SORCS3: variants seen among roughly 807,000 people sequenced by gnomAD.
The protein encoded by SORCS3 is VPS10 domain-containing receptor SorCS3.
A neutral mutation model predicts 146.3 loss-of-function variants in SORCS3; 57 were observed. The ratio of observed to expected loss-of-function variants is 0.39; its 90% CI spans 0.31 to 0.49. The LOEUF (loss-of-function observed/expected upper bound fraction) is 0.49, where lower values mean the gene tolerates loss of function less well. Among genes scored for constraint, SORCS3 ranks in the 20% least tolerant of loss-of-function variants. SORCS3 has a pLI of 0.92. For missense variants in SORCS3, 1,341 were observed against 1,575.5 expected (o/e 0.85, Z 2.52); for synonymous variants, 653 against 618.5 (o/e 1.06, Z -0.83).
chr10:105,147,813 C>T lies in SORCS3; in HGVS notation c.1482+17C>T. ...TTGTATGAGGTATGTAGCCAAAATT[C>T]TCCTTCCCTTGGGTCTGTCTCTCTT... On this transcript the variant is annotated intron_variant, in intron 9 of 26. Coordinates refer to ENST00000369701, the MANE Select transcript of SORCS3 (RefSeq NM_014978.3). 1 of 1,602,500 alleles carries T rather than the reference C, an allele frequency of 6.2e-7. No individual in the cohort carries two copies. Among genetic ancestry groups the T allele is most frequent in the South Asian group, 1.1e-5 (1 of 89,716 alleles).
intron 3 of SORCS3, among the ~76,000 whole-genome samples, chr10:104,945,348 C>T (rs1169792609): frequency 1.3e-5 from 2 of 152,094 alleles, no homozygotes; most frequent in Non-Finnish European, 2.9e-5. Context: ...ACCTCCACCT[C>T]CTGGGTTTAA....
chr10:104,798,577 G>A (rs1316643601), intron 1 of SORCS3, among the ~76,000 whole-genome samples: 3 of 152,162 alleles, frequency 2.0e-5, no homozygotes, highest in Non-Finnish European at 4.4e-5. Context: ...TTGCTGGTGG[G>A]AATGCAAAAT....
Position 105,223,238 on chromosome 10 carries a change from A to G in SORCS3, c.2857A>G (p.Asn953Asp). Residue 953 changes from asparagine to aspartate, a missense_variant, in exon 20 of 27, where the codon AAT (asparagine) becomes GAT (aspartate). Coordinates refer to ENST00000369701, the MANE Select transcript of SORCS3 (RefSeq NM_014978.3). ...CCTTACCTATTTCTGGTGGTTCGGC[A>G]ATAGCACAAAGGTTTGGCCCTTTCT... ...GTLTYFWWFGNSTKPLITLDS... is the reference protein window; with the variant it reads ...GTLTYFWWFGDSTKPLITLDS... 6.2e-7 allele frequency: 1 copy of G among 1,611,860 alleles called. No homozygotes were observed. Among genetic ancestry groups the G allele is most frequent in the Non-Finnish European group, 8.5e-7 (1 of 1,178,354 alleles).
chr10:105,042,878 G>A (rs189058666), intron 4 of SORCS3, among the ~76,000 whole-genome samples, 177 bp from the exon 5 acceptor site: 188 of 152,178 alleles, frequency 1.2e-3, no homozygotes, highest in African/African-American at 4.1e-3. Flanking sequence ...GAGAACCCAC[G>A]TAATGCTAGA....
intron 25 of SORCS3, among the ~76,000 whole-genome samples, chr10:105,259,963 A>G (rs191593417): frequency 6.6e-6 from 1 of 152,342 alleles, no homozygotes; most frequent in Admixed American, 6.5e-5. Context: ...CATTCCTTGT[A>G]TGCAGAAGTG....
rs1320627409 is a variant in SORCS3 at position 104,641,648 on chromosome 10, G to A, written c.321G>A (p.Gly107=). 7.7e-5 allele frequency: 118 copies of A among 1,527,570 alleles called. No homozygotes were observed. The highest frequency in any genetic ancestry group is 9.9e-5 in the Non-Finnish European group (113 of 1,142,416). 94.6% of individuals were successfully genotyped at this position (1,527,570 alleles called of 1,614,324 possible). A position where few individuals can be genotyped will look rare whatever the true frequency, so the allele number is the denominator to read the frequency against. ...GTGAGATGCAGGTGGAAGCCGGAGG[G>A]ACATCACCGGCAGGCGAGCGGCGGG... ...RGGEMQVEAG[G]TSPAGERRGR... Residue 107 remains glycine (G), a synonymous_variant, in exon 1 of 27, where the codon GGG becomes GGA. Coordinates refer to ENST00000369701, the MANE Select transcript of SORCS3 (RefSeq NM_014978.3). This position sits in a 1 kb window ranked among gnomAD's most constrained non-coding sequence, Gnocchi z 6.4.
At position 104,856,529 on chromosome 10, in the gene SORCS3, T is replaced by C. The variant is rs1161771126; in HGVS notation, c.695+13670T>C. Among the ~76,000 whole-genome samples the C allele has an allele frequency of 6.8e-5, 10 of 146,962 alleles. No individual in the cohort carries two copies. In the Admixed American group the frequency reaches 6.9e-4, roughly 10 times the overall value. ...ATATAAATATATACATAGAAATGTA[T>C]GTATATATAAATATATACATAGAAA... On this transcript the variant is annotated intron_variant, in intron 2 of 26. Transcript: ENST00000369701.
intron 7 of SORCS3, among the ~76,000 whole-genome samples, chr10:105,127,735 C>T (rs1018691180): frequency 7.9e-5 from 12 of 152,180 alleles, no homozygotes; most frequent in Admixed American, 1.3e-4. Flanking sequence ...GGAACAACAG[C>T]TGGTAAGTGC....
intron 22 of SORCS3, 66 bp downstream of exon 22, chr10:105,247,397 C>T: frequency 2.4e-6 from 2 of 846,922 alleles, no homozygotes; most frequent in Non-Finnish European, 3.9e-6. Flanking sequence ...GTGTGGTCCA[C>T]AATACATTGG....
intron 22 of SORCS3, among the ~76,000 whole-genome samples, chr10:105,251,974 T>C (rs925089203): frequency 1.3e-5 from 2 of 152,246 alleles, no homozygotes; most frequent in Non-Finnish European, 2.9e-5. Context: ...TTTTTCTATG[T>C]TGTCTCATAG....
At chr10:105,108,049 A>AC (rs1554877876) in intron 7 of SORCS3, among the ~76,000 whole-genome samples, 1 of 150,780 alleles carries the variant, frequency 6.6e-6, no homozygotes, top group Non-Finnish European at 1.5e-5. Context: ...TCTATCTTTT[A>AC]TCTATCTACA....
At chr10:104,971,545 G>A (rs1401879569) in intron 3 of SORCS3, among the ~76,000 whole-genome samples, 1 of 152,190 alleles carries the variant, frequency 6.6e-6, no homozygotes, top group African/African-American at 2.4e-5. Flanking sequence ...AGGTACCACT[G>A]TGGGGCATCT....
At chr10:104,915,726 C>T (rs911365277) in intron 2 of SORCS3, 107 bp from the exon 3 acceptor site, 87 of 867,512 alleles carry the variant, frequency 1.0e-4, no homozygotes, top group East Asian at 7.5e-4. Flanking sequence ...TCATATGATT[C>T]GGGAAGAAAG....
At chr10:104,940,498 T>C (rs867398623) in intron 3 of SORCS3, among the ~76,000 whole-genome samples, 1 of 148,040 alleles carries the variant, frequency 6.8e-6, no homozygotes, top group African/African-American at 2.5e-5. Flanking sequence ...CGGCGTTCGC[T>C]TTTTTTGTCC....
chr10:104,768,737 T>C (rs760415311), intron 1 of SORCS3, among the ~76,000 whole-genome samples: 1 of 152,232 alleles, frequency 6.6e-6, no homozygotes, highest in Non-Finnish European at 1.5e-5. Flanking sequence ...GGTTACCCCT[T>C]GCTCCCTCCA....
At chr10:104,885,886 G>A (rs2018677091) in intron 2 of SORCS3, among the ~76,000 whole-genome samples, 2 of 152,158 alleles carry the variant, frequency 1.3e-5, no homozygotes, top group Non-Finnish European at 2.9e-5. Context: ...TGAGGGGAGA[G>A]CAAGAAAGAA....
chr10:105,216,818 A>G, intron 18 of SORCS3, 118 bp from the exon 19 acceptor site: 1 of 930,934 alleles, frequency 1.1e-6, no homozygotes, highest in South Asian at 1.6e-5. Context: ...CAGGTGTTTC[A>G]GCCCTTTGGG....
chr10:104,790,354 T>G (rs2017482794), intron 1 of SORCS3, among the ~76,000 whole-genome samples: 2 of 152,204 alleles, frequency 1.3e-5, no homozygotes, highest in African/African-American at 2.4e-5. Flanking sequence ...TCAGCCATAT[T>G]GGAAAGGTGG....
At chr10:105,037,364 C>T (rs1469795335) in intron 4 of SORCS3, among the ~76,000 whole-genome samples, 8 of 152,098 alleles carry the variant, frequency 5.3e-5, no homozygotes, top group Admixed American at 5.2e-4. Flanking sequence ...TGACAAAGCC[C>T]CATGAACTTG....
Sources: allele counts gnomAD v4.1 joint callset (sites outside exome capture counted in the v4.1 genomes callset), GRCh38; gene constraint gnomAD v4.1.1; non-coding constraint Gnocchi (gnomAD v3.1); transcripts MANE v1.5; gene names NCBI Gene and HGNC (gene_info 2026-07-23, HGNC 2026-07-21).